The following XPO7 variants were observed in gnomAD, a reference collection of about 807,000 sequenced individuals.
The protein encoded by XPO7 is exportin 7.
Under a neutral mutation model 144.3 loss-of-function variants are expected in XPO7, and 21 were observed. The observed-to-expected ratio is 0.15, with a 90% CI of 0.10 to 0.21. The LOEUF (loss-of-function observed/expected upper bound fraction) is 0.21, where lower values mean the gene tolerates loss of function less well. Among genes scored for constraint, XPO7 ranks in the 10% least tolerant of loss-of-function variants. The pLI is 1.00. For synonymous variants in XPO7, 580 were observed against 499.6 expected (o/e 1.16, Z -2.15); for missense variants, 808 against 1,325.8 (o/e 0.61, Z 6.06).
At chr8:21,991,380 C>T (rs1222229697) in intron 18 of XPO7, among the ~76,000 whole-genome samples, 10 of 152,160 alleles carry the variant, frequency 6.6e-5, no homozygotes, top group Non-Finnish European at 1.2e-4. Context: ...ATAACTAAAG[C>T]TCAGTGGTAT....
chr8:21,923,063 G>T (rs1810342090), intron 1 of XPO7, among the ~76,000 whole-genome samples: 1 of 152,220 alleles, frequency 6.6e-6, no homozygotes, highest in African/African-American at 2.4e-5. Flanking sequence ...AATATGCAAG[G>T]AAATGATAAG....
intron 9 of XPO7, 56 bp from the exon 10 acceptor site, chr8:21,981,675 C>T: frequency 6.3e-7 from 1 of 1,597,336 alleles, no homozygotes; most frequent in Non-Finnish European, 8.6e-7. Flanking sequence ...ATACATCATT[C>T]TTGAAGTATG....
At chr8:21,971,414 T>C (rs1290721990) in intron 4 of XPO7, among the ~76,000 whole-genome samples, 1 of 152,230 alleles carries the variant, frequency 6.6e-6, no homozygotes, top group Admixed American at 6.5e-5. Flanking sequence ...TCTTATTGTT[T>C]GGGTTATGAG....
chr8:21,929,924 C>G (rs1810589070), intron 1 of XPO7, among the ~76,000 whole-genome samples: 1 of 152,140 alleles, frequency 6.6e-6, no homozygotes, highest in African/African-American at 2.4e-5. Flanking sequence ...TTGTTCTTAA[C>G]ATAGAGATGT....
chr8:21,945,527 G>C (rs753217279), intron 1 of XPO7, among the ~76,000 whole-genome samples: 1 of 152,214 alleles, frequency 6.6e-6, no homozygotes, highest in Non-Finnish European at 1.5e-5. Context: ...ACATGTTTGA[G>C]ACAAAATAGG....
chr8:22,004,952 C>G, intron 27 of XPO7, 43 bp from the exon 28 acceptor site: 20 of 746,026 alleles, frequency 2.7e-5, no homozygotes, highest in Non-Finnish European at 3.8e-5. Context: ...AATACCTTTC[C>G]CCCCCACTCT....
At chr8:21,976,224 T>C (rs1812217587) in intron 6 of XPO7, 132 bp from the exon 7 acceptor site, 1 of 930,516 alleles carries the variant, frequency 1.1e-6, no homozygotes, top group Non-Finnish European at 1.7e-6. Flanking sequence ...ACCACATCTT[T>C]GGAGAGAAGG....
At chr8:21,974,914 A>C in intron 6 of XPO7, 140 bp downstream of exon 6, 1 of 681,488 alleles carries the variant, frequency 1.5e-6, no homozygotes, top group Non-Finnish European at 2.3e-6. Flanking sequence ...TATAAGACTC[A>C]TAGAGGCGTT....
intron 1 of XPO7, among the ~76,000 whole-genome samples, chr8:21,929,110 A>G (rs1314754070): frequency 2.0e-5 from 3 of 152,232 alleles, no homozygotes; most frequent in Non-Finnish European, 4.4e-5. Flanking sequence ...TGTACCAACC[A>G]CATTTCAAGT....
At chr8:21,990,314 C>G (rs1172036005) in intron 16 of XPO7, 30 bp from the exon 17 acceptor site, 2 of 1,610,732 alleles carry the variant, frequency 1.2e-6, no homozygotes, top group African/African-American at 2.7e-5. Flanking sequence ...CTGCTTCACA[C>G]TTTCCTTGAC....
chr8:21,999,541 C>T lies in XPO7; in HGVS notation c.2649C>T (p.Tyr883=), dbSNP rs1563339703. The T allele has an allele frequency of 6.2e-7, 1 of 1,613,996 alleles. No individual in the cohort carries two copies. The highest frequency in any genetic ancestry group is 8.5e-7 in the Non-Finnish European group (1 of 1,179,882). The change falls in exon 24 of 28, where the codon TAC becomes TAT. Residue 883 remains tyrosine (Y), a synonymous_variant. Coordinates refer to ENST00000252512, the MANE Select transcript of XPO7 (RefSeq NM_015024.5). ...LSIPHSDLLD[Y]PKLSQSYYSL... ...TTCCTCTTCCTCTCCCACAGGATTACCCCAAGCTCAGCCAGTCTTATTATT... is the reference window on the plus strand; with the variant it reads ...TTCCTCTTCCTCTCCCACAGGATTATCCCAAGCTCAGCCAGTCTTATTATT...
chr8:21,935,214 A>T (rs1308715460), intron 1 of XPO7, among the ~76,000 whole-genome samples: 1 of 152,228 alleles, frequency 6.6e-6, no homozygotes, highest in Non-Finnish European at 1.5e-5. Flanking sequence ...CCAGGCATCT[A>T]AAAGGACTTT....
intron 17 of XPO7, 51 bp from the exon 18 acceptor site, chr8:21,990,760 C>T (rs1420380301): frequency 1.3e-6 from 2 of 1,556,004 alleles, no homozygotes; most frequent in Non-Finnish European, 1.8e-6. Context: ...GGCTTGCATT[C>T]TGCCTCTAAC....
chr8:21,991,224 A>G (rs184917692), intron 18 of XPO7, among the ~76,000 whole-genome samples: 2 of 152,324 alleles, frequency 1.3e-5, no homozygotes, highest in East Asian at 3.9e-4. Flanking sequence ...TTGGCCAGAT[A>G]ACTTCTCCAC....
At chr8:21,950,578 T>C (rs1038251146) in intron 1 of XPO7, among the ~76,000 whole-genome samples, 1 of 152,308 alleles carries the variant, frequency 6.6e-6, no homozygotes, top group East Asian at 1.9e-4. Flanking sequence ...TTGTCTTTAT[T>C]AGCCTACAAA....
chr8:21,959,871 T>A (rs896400744), intron 1 of XPO7, among the ~76,000 whole-genome samples: 2 of 152,208 alleles, frequency 1.3e-5, no homozygotes, highest in Admixed American at 6.5e-5. Flanking sequence ...CAGTCATACG[T>A]TAAGACCGGT....
intron 24 of XPO7, among the ~76,000 whole-genome samples, chr8:22,000,284 CTGGAGA>C (rs1176794548): frequency 1.3e-5 from 2 of 152,022 alleles, no homozygotes; most frequent in East Asian, 3.9e-4. Flanking sequence ...AGGAGCAAAT[CTGGAGA>C]TCATGAAGGG....
intron 1 of XPO7, among the ~76,000 whole-genome samples, chr8:21,932,262 A>G (rs1810677415): frequency 6.6e-6 from 1 of 152,250 alleles, no homozygotes; most frequent in South Asian, 2.1e-4. Context: ...AGCAGTATAA[A>G]CTTGAAAAGC....
intron 1 of XPO7, among the ~76,000 whole-genome samples, chr8:21,936,054 A>G (rs1810812131): frequency 6.6e-6 from 1 of 152,190 alleles, no homozygotes; most frequent in Non-Finnish European, 1.5e-5. Flanking sequence ...TAACAACAGT[A>G]TTTATTGAGC....
Sources: gnomAD v4.1 joint callset for allele counts (sites outside exome capture counted in the v4.1 genomes callset) on GRCh38, gnomAD v4.1.1 for gene constraint, MANE v1.5 for transcripts, NCBI Gene and HGNC (gene_info 2026-07-23, HGNC 2026-07-21) for gene names.